ADCYAP1R1: variants seen among roughly 807,000 people sequenced by gnomAD.
The protein encoded by ADCYAP1R1 is pituitary adenylate cyclase-activating polypeptide type I receptor.
In ADCYAP1R1, 44 loss-of-function variants were observed where a neutral mutation model predicts 67.6. The observed-to-expected ratio is 0.65, with a 90% CI of 0.51 to 0.84. The LOEUF (loss-of-function observed/expected upper bound fraction) is 0.84. Ranked by LOEUF, ADCYAP1R1 falls within the 40% of genes least tolerant of loss-of-function variation. The pLI is 0.00. For missense variants in ADCYAP1R1, 477 were observed against 587.9 expected (o/e 0.81, Z 1.95); for synonymous variants, 222 against 219.6 (o/e 1.01, Z -0.10).
intron 2 of ADCYAP1R1, among the ~76,000 whole-genome samples, chr7:31,064,623 C>A (rs1455174561): frequency 1.3e-5 from 2 of 152,154 alleles, no homozygotes; most frequent in African/African-American, 4.8e-5. Context: ...TGTCCAAAGC[C>A]ACACATTGAG....
chr7:31,087,175 C>G (rs909251567), intron 11 of ADCYAP1R1, among the ~76,000 whole-genome samples, 172 bp downstream of exon 11: 1 of 152,170 alleles, frequency 6.6e-6, no homozygotes, highest in Non-Finnish European at 1.5e-5. Context: ...TGCAGGTGAC[C>G]CACCCAGCTG....
At chr7:31,068,224 C>A in intron 3 of ADCYAP1R1, among the ~76,000 whole-genome samples, 1 of 152,182 alleles carries the variant, frequency 6.6e-6, no homozygotes, top group Non-Finnish European at 1.5e-5. Context: ...CGCACACACA[C>A]ACACACACAC....
intron 15 of ADCYAP1R1, 109 bp from the exon 16 acceptor site, chr7:31,106,387 G>T (rs949826848): frequency 3.0e-6 from 4 of 1,314,580 alleles, no homozygotes; most frequent in Middle Eastern, 3.8e-4. Context: ...GAGTGGGGAG[G>T]GTGCTGAGGG....
chr7:31,076,055 A>G (rs1324140616), intron 3 of ADCYAP1R1, among the ~76,000 whole-genome samples: 1 of 152,120 alleles, frequency 6.6e-6, no homozygotes, highest in East Asian at 1.9e-4. Context: ...TGGTTCTTCA[A>G]GGTGGGGGTG....
At chr7:31,078,638 G>A (rs186800779) in intron 4 of ADCYAP1R1, among the ~76,000 whole-genome samples, 3 of 152,314 alleles carry the variant, frequency 2.0e-5, no homozygotes, top group East Asian at 3.9e-4. Context: ...AGACACCCAC[G>A]TCCACATGCA....
chr7:31,077,670 T>C (rs1355705891), intron 3 of ADCYAP1R1, among the ~76,000 whole-genome samples: 4 of 146,620 alleles, frequency 2.7e-5, no homozygotes, highest in Admixed American at 6.8e-5. Flanking sequence ...GTGTGGTGTA[T>C]GTGTGAGTGG....
At chr7:31,081,800 G>A (rs749956634) in intron 6 of ADCYAP1R1, 46 bp downstream of exon 6, 1 of 1,526,618 alleles carries the variant, frequency 6.6e-7, no homozygotes, top group Non-Finnish European at 8.9e-7. Context: ...TGGAGGGAGG[G>A]CGTCTGCTGA....
intron 1 of ADCYAP1R1, among the ~76,000 whole-genome samples, chr7:31,055,138 G>A (rs1350046461): frequency 1.3e-5 from 2 of 152,144 alleles, no homozygotes; most frequent in African/African-American, 4.8e-5. Context: ...ACGGCATATA[G>A]GCTTTCTATG....
In ADCYAP1R1 at chr7:31,052,482, G is replaced by C. The variant is rs924716657; in HGVS notation, c.-268G>C. 1.3e-5 allele frequency: 2 copies of C among 149,800 alleles called. No homozygotes were observed. The highest frequency in any genetic ancestry group is 4.9e-5 in the African/African-American group (2 of 41,042). 9.3% of individuals were successfully genotyped at this position (149,800 alleles called of 1,614,324 possible). On this transcript the variant is annotated 5_prime_UTR_variant, in exon 1 of 16. Coordinates refer to ENST00000304166, the MANE Select transcript of ADCYAP1R1 (RefSeq NM_001118.5). ...CCGGGCGAGCGTGGTCCCCGCGTGCGCACACGCACACGCCGCCGCGCAGGG... is the reference window on the plus strand; with the variant it reads ...CCGGGCGAGCGTGGTCCCCGCGTGCCCACACGCACACGCCGCCGCGCAGGG...
chr7:31,077,416 ATG>A (rs547116160), intron 3 of ADCYAP1R1, among the ~76,000 whole-genome samples: 660 of 52,808 alleles, frequency 0.012, 3 homozygotes, highest in African/African-American at 0.048. Flanking sequence ...TGTGTGTGTG[ATG>A]TGTGTGTGGT....
intron 3 of ADCYAP1R1, among the ~76,000 whole-genome samples, chr7:31,068,763 G>A (rs1794851312): frequency 6.6e-6 from 1 of 152,176 alleles, no homozygotes; most frequent in South Asian, 2.1e-4. Context: ...GTTGTCTGAA[G>A]AGCTTGCCCT....
chr7:31,092,677 A>T lies in ADCYAP1R1; in HGVS notation c.988A>T (p.Ile330Phe). Residue 330 changes from isoleucine (I) to phenylalanine (F), a missense_variant, in exon 13 of 16, where the codon ATC (isoleucine) becomes TTC (phenylalanine). Physicochemically the swap from Ile to Phe is conservative, Grantham distance 21. Transcript: ENST00000304166. The stretch of plus-strand genomic sequence containing the variant: ...TGTGCTTTTTATTGGCATTATCGTC[A>T]TCCTTGTGCAGAAACTTCAGTCTCC... ...NFVLFIGIIV[I>F]LVQKLQSPDM... 1 of 1,611,024 alleles carries T rather than the reference A, an allele frequency of 6.2e-7. No homozygotes were observed. The highest frequency in any genetic ancestry group is 8.5e-7 in the Non-Finnish European group (1 of 1,179,642).
At chr7:31,062,632 A>G (rs1794555371) in intron 1 of ADCYAP1R1, among the ~76,000 whole-genome samples, 1 of 152,196 alleles carries the variant, frequency 6.6e-6, no homozygotes, top group African/African-American at 2.4e-5. Flanking sequence ...CTACCCACTC[A>G]GATACGGTTC....
In ADCYAP1R1 at chr7:31,063,293, C is replaced by T; in HGVS notation, c.29C>T (p.Ala10Val). The T allele has an allele frequency of 1.2e-6, 2 of 1,614,178 alleles. No individual in the cohort carries two copies. Among genetic ancestry groups the T allele is most frequent in the East Asian group, 4.5e-5 (2 of 44,876 alleles). The change falls in exon 2 of 16, where the codon GCT (alanine) becomes GTT (valine). Residue 10 changes from alanine to valine, a missense_variant. Coordinates refer to ENST00000304166, the MANE Select transcript of ADCYAP1R1 (RefSeq NM_001118.5). The stretch of plus-strand genomic sequence containing the variant: ...GCTGGTGTCGTGCACGTTTCCCTGG[C>T]TGCTCTCCTCCTGCTGCCTATGGTA... MAGVVHVSL[A>V]ALLLLPMAPA... is the part of the protein sequence containing the mutation.
intron 13 of ADCYAP1R1, among the ~76,000 whole-genome samples, chr7:31,094,580 G>A (rs564756289): frequency 3.3e-4 from 50 of 152,002 alleles, no homozygotes; most frequent in Admixed American, 5.2e-4. Flanking sequence ...TCTTCTCTGG[G>A]GGGGTCCTCT....
chr7:31,086,327 C>T lies in ADCYAP1R1; in HGVS notation c.670-57C>T. On this transcript the variant is annotated intron_variant, in intron 9 of 15. Transcript: ENST00000304166. This position sits in a 1 kb window ranked among gnomAD's most constrained non-coding sequence, Gnocchi z 5.0. Reference sequence around the variant, plus strand: ...CAGAGCCAACGGGCCCTAGGATTCTCCCTTGCTCCTGTTCCTGTTGGGCTC... The same window carrying T: ...CAGAGCCAACGGGCCCTAGGATTCTTCCTTGCTCCTGTTCCTGTTGGGCTC... 1 of 1,583,756 alleles carries T rather than the reference C, an allele frequency of 6.3e-7. No individual in the cohort carries two copies. The highest frequency in any genetic ancestry group is 1.3e-5 in the African/African-American group (1 of 74,506).
chr7:31,083,340 G>C (rs535714457), intron 6 of ADCYAP1R1, among the ~76,000 whole-genome samples: 3 of 152,176 alleles, frequency 2.0e-5, no homozygotes, highest in African/African-American at 7.2e-5. Context: ...ATGGCCCTGG[G>C]CAGGGCAAAA....
Position 31,106,658 on chromosome 7 carries a change from C to A in ADCYAP1R1, c.1381C>A (p.Leu461Ile), listed in dbSNP as rs375441454. ...CAGCTCCCAAATCCGCATGTCTGGCCTCCCTGCTGACAATCTGGCCACCTG... is the reference window on the plus strand; with the variant it reads ...CAGCTCCCAAATCCGCATGTCTGGCATCCCTGCTGACAATCTGGCCACCTG... ...KSSSQIRMSG[L>I]PADNLAT Residue 461 changes from leucine to isoleucine, a missense_variant, in exon 16 of 16, where the codon CTC (leucine) becomes ATC (isoleucine). Leu to Ile is a conservative substitution (Grantham distance 5). Transcript: ENST00000304166. 7 of 1,610,982 alleles carry A rather than the reference C, an allele frequency of 4.3e-6. No homozygotes were observed. The African/African-American group carries it at 9.4e-5, about 22-fold the overall frequency.
At chr7:31,072,234 C>T (rs1381141471) in intron 3 of ADCYAP1R1, among the ~76,000 whole-genome samples, 2 of 152,160 alleles carry the variant, frequency 1.3e-5, no homozygotes, top group Non-Finnish European at 2.9e-5. Flanking sequence ...CAACTTCACA[C>T]AGTCATTCAG....
Sources: gnomAD v4.1 joint callset for allele counts (sites outside exome capture counted in the v4.1 genomes callset) on GRCh38, gnomAD v4.1.1 for gene constraint, Gnocchi (gnomAD v3.1) non-coding constraint, MANE v1.5 for transcripts, NCBI Gene and HGNC (gene_info 2026-07-23, HGNC 2026-07-21) for gene names.